Variants in MTCL3 observed in about 807,000 individuals in gnomAD.
MTCL3 encodes the protein microtubule cross-linking factor 3.
the MTCL3 span, among the ~76,000 whole-genome samples, chr6:127,486,622 T>TA: frequency 6.6e-6 from 1 of 152,214 alleles, no homozygotes; most frequent in Non-Finnish European, 1.5e-5. Context: ...GATGGTTCTC[T>TA]AGATAAATAC....
the MTCL3 span, among the ~76,000 whole-genome samples, chr6:127,479,290 G>A: frequency 8.0e-4 from 122 of 152,286 alleles, no homozygotes; most frequent in Non-Finnish European, 1.5e-3. Context: ...GGTCACTCTC[G>A]TTGCCATCTT....
At chr6:127,506,738 G>T in the MTCL3 span, among the ~76,000 whole-genome samples, 32 of 152,010 alleles carry the variant, frequency 2.1e-4, no homozygotes, top group African/African-American at 7.5e-4. Context: ...CCACGACCAC[G>T]CCCGGCTAAT....
the MTCL3 span, among the ~76,000 whole-genome samples, chr6:127,477,410 C>G: frequency 6.6e-6 from 1 of 152,202 alleles, no homozygotes; most frequent in African/African-American, 2.4e-5. Context: ...AAGGTCATTT[C>G]TCCCAAGGAC....
At chr6:127,505,273 C>A in the MTCL3 span, among the ~76,000 whole-genome samples, 237 of 152,222 alleles carry the variant, frequency 1.6e-3, 1 homozygote, top group Non-Finnish European at 2.3e-3. Flanking sequence ...AACCTAAATG[C>A]CTATCAATTA....
At chr6:127,476,298 G>T in the MTCL3 span, 1 of 1,614,190 alleles carries the variant, frequency 6.2e-7, no homozygotes, top group African/African-American at 1.3e-5. This position sits in a 1 kb window ranked among gnomAD's most constrained non-coding sequence, Gnocchi z 4.4. Flanking sequence ...GAGGGCCTCC[G>T]GCTTCTCCTT....
chr6:127,475,148 C>T, the MTCL3 span: 2 of 753,128 alleles, frequency 2.7e-6, no homozygotes, highest in African/African-American at 1.8e-5. This position sits in a 1 kb window ranked among gnomAD's most constrained non-coding sequence, Gnocchi z 7.3. Flanking sequence ...GGGCCGAGGC[C>T]GGGGGTTTCA....
chr6:127,513,734 T>C, the MTCL3 span, among the ~76,000 whole-genome samples: 1 of 152,122 alleles, frequency 6.6e-6, no homozygotes, highest in South Asian at 2.1e-4. Context: ...TTGGACTGAG[T>C]GGAGAGTCAG....
At chr6:127,473,311 G>A in the MTCL3 span, 6 of 1,540,730 alleles carry the variant, frequency 3.9e-6, no homozygotes, top group Non-Finnish European at 5.2e-6. Context: ...TAAAAAGGAA[G>A]ACAAGTTTAA....
chr6:127,482,798 T>C, the MTCL3 span: 14 of 699,298 alleles, frequency 2.0e-5, no homozygotes, highest in African/African-American at 7.4e-5. The surrounding 1 kb of genome is among the most constrained non-coding windows in gnomAD (Gnocchi z 4.1). Context: ...ATATGCAAAT[T>C]TGACTTTGTT....
chr6:127,481,347 A>G, the MTCL3 span: 2 of 985,314 alleles, frequency 2.0e-6, no homozygotes, highest in Non-Finnish European at 2.4e-6. Flanking sequence ...GAAAAGCTGT[A>G]GTGACAGAGT....
At chr6:127,515,566 T>G in the MTCL3 span, 4 of 1,463,852 alleles carry the variant, frequency 2.7e-6, no homozygotes, top group Non-Finnish European at 3.6e-6. The surrounding 1 kb of genome is among the most constrained non-coding windows in gnomAD (Gnocchi z 4.3). Context: ...TTGCATTTCT[T>G]CCTGCTCTTG....
chr6:127,511,760 A>G, the MTCL3 span, among the ~76,000 whole-genome samples: 6 of 152,236 alleles, frequency 3.9e-5, no homozygotes, highest in South Asian at 2.1e-4. Context: ...TCAGGATAAT[A>G]TAAGTAAACA....
At chr6:127,513,095 T>A in the MTCL3 span, 3 of 1,492,266 alleles carry the variant, frequency 2.0e-6, no homozygotes, top group African/African-American at 1.4e-5. Flanking sequence ...AATGACAATA[T>A]AATAAGGGCT....
chr6:127,493,514 C>T, the MTCL3 span, among the ~76,000 whole-genome samples: 1 of 152,140 alleles, frequency 6.6e-6, no homozygotes, highest in Non-Finnish European at 1.5e-5. Flanking sequence ...GTCATAGAGG[C>T]ACATGTCAGA....
chr6:127,474,003 T>C, the MTCL3 span, among the ~76,000 whole-genome samples: 1 of 152,322 alleles, frequency 6.6e-6, no homozygotes, highest in East Asian at 1.9e-4. Flanking sequence ...AAATGCTGGT[T>C]TTCCCTGTTC....
the MTCL3 span, among the ~76,000 whole-genome samples, chr6:127,477,366 C>T: frequency 6.6e-6 from 1 of 152,178 alleles, no homozygotes; most frequent in Admixed American, 6.5e-5. Context: ...AAATCTTTCT[C>T]TGAGGGATAT....
the MTCL3 span, among the ~76,000 whole-genome samples, chr6:127,482,331 T>C: frequency 2.6e-5 from 4 of 152,320 alleles, no homozygotes; most frequent in East Asian, 5.8e-4. This position sits in a 1 kb window ranked among gnomAD's most constrained non-coding sequence, Gnocchi z 4.1. Flanking sequence ...ATTACAACCA[T>C]TGGCACCTCT....
At chr6:127,516,371 C>CCTGCTGTTG in the MTCL3 span, 2 of 1,600,774 alleles carry the variant, frequency 1.2e-6, no homozygotes, top group Non-Finnish European at 1.7e-6. Flanking sequence ...GTCTTGTTAC[C>CCTGCTGTTG]CTGCTGTTGC....
chr6:127,473,764 T>G, the MTCL3 span, among the ~76,000 whole-genome samples: 1 of 152,238 alleles, frequency 6.6e-6, no homozygotes, highest in Non-Finnish European at 1.5e-5. Context: ...CTTTTAAATG[T>G]CTTCCGTGTC....
Sources: allele counts gnomAD v4.1 joint callset (sites outside exome capture counted in the v4.1 genomes callset), GRCh38; gene constraint gnomAD v4.1.1; non-coding constraint Gnocchi (gnomAD v3.1); transcripts MANE v1.5; gene names NCBI Gene and HGNC (gene_info 2026-07-23, HGNC 2026-07-21).